The following USP37 variants were observed in gnomAD, a reference collection of about 807,000 sequenced individuals.
USP37 encodes ubiquitin carboxyl-terminal hydrolase 37.
Under a neutral mutation model 124.0 loss-of-function variants are expected in USP37, and 27 were observed. The observed-to-expected ratio is 0.22, with a 90% CI of 0.16 to 0.30. The LOEUF (loss-of-function observed/expected upper bound fraction) is 0.30. Among genes scored for constraint, USP37 ranks in the 10% least tolerant of loss-of-function variants. The pLI, the probability that USP37 is intolerant of heterozygous loss-of-function variation, is 1.00. For synonymous variants in USP37, 365 were observed against 388.0 expected (o/e 0.94, Z 0.70); for missense variants, 889 against 1,140.4 (o/e 0.78, Z 3.17).
chr2:218,461,137 C>T (rs1689996738), intron 22 of USP37, among the ~76,000 whole-genome samples: 1 of 152,272 alleles, frequency 6.6e-6, no homozygotes, highest in South Asian at 2.1e-4. Context: ...AGCATTTGTA[C>T]ATAAATGGTT....
chr2:218,523,430 T>G (rs777908140), intron 10 of USP37, among the ~76,000 whole-genome samples: 4 of 152,268 alleles, frequency 2.6e-5, no homozygotes, highest in Admixed American at 6.5e-5. Flanking sequence ...TTGGAACATT[T>G]CAGATTTCAG....
chr2:218,528,543 G>A (rs900069483), intron 10 of USP37: 1 of 347,882 alleles, frequency 2.9e-6, no homozygotes, highest in African/African-American at 2.1e-5. Context: ...ATGTTCCTGT[G>A]TCAGTTTGCT....
intron 11 of USP37, among the ~76,000 whole-genome samples, chr2:218,500,186 T>G (rs1297311032): frequency 6.6e-6 from 1 of 152,214 alleles, no homozygotes; most frequent in South Asian, 2.1e-4. Flanking sequence ...GCAAGTCTCA[T>G]GCCTCAGCCT....
At chr2:218,500,105 T>C (rs1272135540) in intron 11 of USP37, among the ~76,000 whole-genome samples, 2 of 151,852 alleles carry the variant, frequency 1.3e-5, no homozygotes, top group Admixed American at 6.6e-5. Context: ...GACAGAGTCT[T>C]GCTCTGTTGC....
chr2:218,457,648 G>A (rs1689765022), intron 23 of USP37, among the ~76,000 whole-genome samples: 1 of 152,178 alleles, frequency 6.6e-6, no homozygotes, highest in Non-Finnish European at 1.5e-5. Flanking sequence ...AGGGATCAGA[G>A]TGAACTTTTA....
At chr2:218,499,435 C>A (rs1343296205) in intron 11 of USP37, among the ~76,000 whole-genome samples, 2 of 152,092 alleles carry the variant, frequency 1.3e-5, no homozygotes, top group African/African-American at 4.8e-5. Flanking sequence ...TTTTCTGAAA[C>A]CATTTCAGAG....
intron 10 of USP37, among the ~76,000 whole-genome samples, chr2:218,522,838 TGG>T (rs1248492554): frequency 1.3e-5 from 2 of 152,124 alleles, no homozygotes; most frequent in Admixed American, 6.6e-5. Flanking sequence ...CTGAAATGCT[TGG>T]AAAGAAGAGT....
chr2:218,516,856 G>A (rs1690316892), intron 10 of USP37, among the ~76,000 whole-genome samples: 1 of 152,018 alleles, frequency 6.6e-6, no homozygotes, highest in African/African-American at 2.4e-5. Flanking sequence ...TGTTTATTTT[G>A]AATCAATCTA....
At chr2:218,548,635 G>A (rs1445162986) in intron 6 of USP37, among the ~76,000 whole-genome samples, 4 of 151,994 alleles carry the variant, frequency 2.6e-5, no homozygotes, top group African/African-American at 9.7e-5. Context: ...GAGCCACCAC[G>A]CCTGGCCGCA....
intron 10 of USP37, among the ~76,000 whole-genome samples, chr2:218,521,903 C>G (rs548222132): frequency 6.6e-6 from 1 of 152,312 alleles, no homozygotes; most frequent in South Asian, 2.1e-4. Flanking sequence ...GAGACAAGGT[C>G]TTGCTCTGTT....
At chr2:218,514,268 T>C (rs996513107) in intron 10 of USP37, 7 of 152,226 alleles carry the variant, frequency 4.6e-5, no homozygotes, top group Admixed American at 3.3e-4. Flanking sequence ...ACACATATTA[T>C]TCAAATTTCA....
intron 11 of USP37, among the ~76,000 whole-genome samples, chr2:218,499,067 G>A (rs975776121): frequency 2.0e-5 from 3 of 152,156 alleles, no homozygotes; most frequent in African/African-American, 7.2e-5. Flanking sequence ...AAGGTCAGGA[G>A]GTGGAAACCA....
intron 11 of USP37, chr2:218,501,130 C>G (rs879789676): frequency 2.6e-5 from 4 of 151,892 alleles, no homozygotes; most frequent in African/African-American, 7.3e-5. Context: ...CCTCGACCCC[C>G]CCGGACTCAG....
rs1192826097 is a variant in USP37 at position 218,453,232 on chromosome 2, T to C, written c.*1698A>G. ...CTTTCAGAAAAGATGTTGCATCTTC[T>C]GTGATGATGGTTTGTGTTTTTTTTG... is the stretch of plus-strand genomic sequence containing the variant. On this transcript the variant is annotated 3_prime_UTR_variant, in exon 26 of 26. Coordinates refer to ENST00000258399, the MANE Select transcript of USP37 (RefSeq NM_020935.3). The C allele has an allele frequency of 1.3e-5, 2 of 151,978 alleles. No homozygotes were observed. The highest frequency in any genetic ancestry group is 6.6e-5 in the Admixed American group (1 of 15,262). The allele number at this position is 151,978 out of a possible 1,614,324, so 9.4% of individuals were successfully genotyped here.
intron 4 of USP37, among the ~76,000 whole-genome samples, chr2:218,555,279 CA>C (rs35199867): frequency 0.46 from 70,487 of 151,950 alleles, 19,493 homozygotes; most frequent in East Asian, 0.78. Context: ...GAACTAGTAA[CA>C]TACTTCAGAA....
intron 10 of USP37, among the ~76,000 whole-genome samples, chr2:218,517,705 A>G (rs1035389746): frequency 2.0e-5 from 3 of 152,110 alleles, no homozygotes; most frequent in African/African-American, 7.2e-5. Context: ...CTTTTTCTCA[A>G]TCCTACTTGG....
chr2:218,489,895 A>G (rs747928582), intron 14 of USP37, among the ~76,000 whole-genome samples: 1 of 152,194 alleles, frequency 6.6e-6, no homozygotes, highest in Non-Finnish European at 1.5e-5. Flanking sequence ...TTTGTTCAGC[A>G]TGATTGTAAT....
chr2:218,468,047 C>T (rs1190064562), intron 20 of USP37, among the ~76,000 whole-genome samples: 1 of 149,322 alleles, frequency 6.7e-6, no homozygotes, highest in Non-Finnish European at 1.5e-5. Flanking sequence ...ACCACCACAC[C>T]TGGCTAATTT....
At chr2:218,487,153 A>G (rs1433662013) in intron 15 of USP37, among the ~76,000 whole-genome samples, 2 of 152,246 alleles carry the variant, frequency 1.3e-5, no homozygotes, top group African/African-American at 4.8e-5. Context: ...AAGGACTGCT[A>G]TAACAACAGT....
Sources: gnomAD v4.1 joint callset for allele counts (sites outside exome capture counted in the v4.1 genomes callset) on GRCh38, gnomAD v4.1.1 for gene constraint, MANE v1.5 for transcripts, NCBI Gene and HGNC (gene_info 2026-07-23, HGNC 2026-07-21) for gene names.